The following IDO1 variants were observed in gnomAD, a reference collection of about 807,000 sequenced individuals.
The protein encoded by IDO1 is indoleamine 2,3-dioxygenase 1.
Under a neutral mutation model 38.8 loss-of-function variants are expected in IDO1, and 35 were observed. That is an observed-to-expected ratio of 0.90 (90% CI 0.69 to 1.20). The LOEUF (loss-of-function observed/expected upper bound fraction) is 1.20. Ranked by LOEUF, IDO1 falls within the 50% of genes most tolerant of loss-of-function variation. The pLI, the probability that IDO1 is intolerant of heterozygous loss-of-function variation, is 0.00. For missense variants in IDO1, 509 were observed against 485.1 expected (o/e 1.05, Z -0.46); for synonymous variants, 171 against 170.0 (o/e 1.01, Z -0.05).
intron 5 of IDO1, among the ~76,000 whole-genome samples, 169 bp from the exon 6 acceptor site, chr8:39,922,383 G>A (rs1008769683): frequency 1.8e-4 from 27 of 152,210 alleles, no homozygotes; most frequent in African/African-American, 5.8e-4. Flanking sequence ...CTTGGACAAT[G>A]GGCCTAAAAA....
chr8:39,919,484 G>A (rs947061671), intron 4 of IDO1, among the ~76,000 whole-genome samples: 2 of 152,108 alleles, frequency 1.3e-5, no homozygotes, highest in African/African-American at 4.8e-5. Context: ...GCAATGACTG[G>A]TTTCTCAGAG....
At chr8:39,923,393 G>T in intron 6 of IDO1, 76 bp from the exon 7 acceptor site, 1 of 860,124 alleles carries the variant, frequency 1.2e-6, no homozygotes, top group South Asian at 1.5e-5. Context: ...AACTGAGCGA[G>T]ACTCCGTCTC....
chr8:39,918,225 G>T lies in IDO1; in HGVS notation c.303+18G>T. On this transcript the variant is annotated intron_variant, in intron 3 of 9. Transcript: ENST00000518237. Reference sequence around the variant, plus strand: ...TCCGTAAGGTTTGGAGATTTTCTCAGATTTCTTATGCTATGTGACAGATTT... The same window carrying T: ...TCCGTAAGGTTTGGAGATTTTCTCATATTTCTTATGCTATGTGACAGATTT... The T allele has an allele frequency of 1.3e-6, 2 of 1,597,512 alleles. No homozygotes were observed. Among genetic ancestry groups the T allele is most frequent in the Non-Finnish European group, 1.7e-6 (2 of 1,167,764 alleles).
intron 7 of IDO1, chr8:39,923,921 A>G: frequency 5.9e-6 from 1 of 168,724 alleles, no homozygotes. Context: ...GGGTGGTTTT[A>G]AGTCCCGAAA....
At chr8:39,923,444 T>G in intron 6 of IDO1, 25 bp from the exon 7 acceptor site, 124 of 1,238,826 alleles carry the variant, frequency 1.0e-4, no homozygotes, top group Non-Finnish European at 1.4e-4. Flanking sequence ...ACCTTAAATG[T>G]TTGTGTTTTG....
chr8:39,925,996 G>T (rs1490379582), intron 9 of IDO1, among the ~76,000 whole-genome samples: 1 of 151,672 alleles, frequency 6.6e-6, no homozygotes, highest in Admixed American at 6.6e-5. Flanking sequence ...GACCATCCTG[G>T]CTAACACGGT....
chr8:39,922,567 G>A lies in IDO1; in HGVS notation c.453G>A (p.Leu151=), dbSNP rs746476355. The A allele has an allele frequency of 1.2e-6, 2 of 1,612,532 alleles. No individual in the cohort carries two copies. Among genetic ancestry groups the A allele is most frequent in the Non-Finnish European group, 1.7e-6 (2 of 1,178,682 alleles). Residue 151 remains leucine, a synonymous_variant, in exon 6 of 10, where the codon TTG becomes TTA. Transcript: ENST00000518237. The stretch of plus-strand genomic sequence containing the variant: ...ATTTCCTCAGGAACATGGACGTTTT[G>A]TTCTCATTTCGTGATGGAGACTGCA... ...KPLTYENMDV[L]FSFRDGDCSK...
At chr8:39,917,019 A>G (rs1401987177) in intron 1 of IDO1, among the ~76,000 whole-genome samples, 1 of 152,256 alleles carries the variant, frequency 6.6e-6, no homozygotes, top group East Asian at 1.9e-4. Flanking sequence ...AAAAATCGTT[A>G]TGTAAACTGT....
At position 39,928,212 on chromosome 8, in the gene IDO1, C is replaced by T; in HGVS notation, c.*27C>T. On this transcript the variant is annotated 3_prime_UTR_variant, in exon 10 of 10. Transcript: ENST00000518237. ...GTAACCCAACAAGAGCACATTTTAT[C>T]ATAGCAGAGACATCTGTATGCATTC... 4.0e-6 allele frequency: 6 copies of T among 1,502,348 alleles called. No homozygotes were observed. Among genetic ancestry groups the T allele is most frequent in the Non-Finnish European group, 5.5e-6 (6 of 1,096,250 alleles). The allele number at this position is 1,502,348 out of a possible 1,614,324, so 93.1% of individuals were successfully genotyped here.
chr8:39,923,335 C>T (rs1427121002), intron 6 of IDO1, 134 bp from the exon 7 acceptor site: 1 of 533,774 alleles, frequency 1.9e-6, no homozygotes, highest in Admixed American at 3.0e-5. Flanking sequence ...ACCCGGGAGG[C>T]AGAGCTTGCA....
chr8:39,914,099 A>T, intron 1 of IDO1, 90 bp downstream of exon 1: 1 of 824,006 alleles, frequency 1.2e-6, no homozygotes, highest in Non-Finnish European at 2.0e-6. Context: ...ACTGTGGTTC[A>T]GTAACTTCTA....
intron 1 of IDO1, among the ~76,000 whole-genome samples, chr8:39,916,385 G>A (rs1807175676): frequency 6.6e-6 from 1 of 151,816 alleles, no homozygotes; most frequent in African/African-American, 2.4e-5. Context: ...GGCTAAGACA[G>A]GAGAATTGTT....
Position 39,923,550 on chromosome 8 carries a change from T to A in IDO1, c.619T>A (p.Leu207Met). ...GGCGCTGTTGGAAATAGCTTCTTGC[T>A]TGGAGAAAGCCCTTCAAGTGTTTCA... is the stretch of plus-strand genomic sequence containing the variant. ...LKALLEIASCLEKALQVFHQI... is the reference protein window; with the variant it reads ...LKALLEIASCMEKALQVFHQI... Residue 207 changes from leucine (L) to methionine (M), a missense_variant, in exon 7 of 10, where the codon TTG becomes ATG. Leu to Met is a conservative substitution (Grantham distance 15). Transcript: ENST00000518237. 1 of 1,613,464 alleles carries A rather than the reference T, an allele frequency of 6.2e-7. No homozygotes were observed. The highest frequency in any genetic ancestry group is 8.5e-7 in the Non-Finnish European group (1 of 1,179,420).
chr8:39,916,274 G>A lies in IDO1; in HGVS notation c.88-1601G>A, dbSNP rs571543809. Among the ~76,000 whole-genome samples, 17 of 152,106 alleles carry A rather than the reference G, an allele frequency of 1.1e-4. No individual in the cohort carries two copies. In the East Asian group the frequency reaches 3.1e-3, roughly 28 times the overall value. Reference sequence around the variant, plus strand: ...GTGGATCACTTGAGGTCAGGAGTTTGAGACCAGCCTGGCCAACATGGTGAA... The same window carrying A: ...GTGGATCACTTGAGGTCAGGAGTTTAAGACCAGCCTGGCCAACATGGTGAA... On this transcript the variant is annotated intron_variant, in intron 1 of 9. Coordinates refer to ENST00000518237, the MANE Select transcript of IDO1 (RefSeq NM_002164.6).
At chr8:39,919,239 T>A (rs776372502) in intron 4 of IDO1, among the ~76,000 whole-genome samples, 3 of 152,184 alleles carry the variant, frequency 2.0e-5, no homozygotes, top group Non-Finnish European at 2.9e-5. Context: ...TTTTATCACC[T>A]CAGAAAATTT....
Position 39,918,924 on chromosome 8 carries a change from A to G in IDO1, c.413A>G (p.Asp138Gly). The G allele has an allele frequency of 6.4e-7, 1 of 1,561,420 alleles. No homozygotes were observed. The highest frequency in any genetic ancestry group is 8.8e-7 in the Non-Finnish European group (1 of 1,132,074). The change falls in exon 4 of 10, where the codon GAT becomes GGT. Residue 138 changes from aspartate (D) to glycine (G), a missense_variant. Coordinates refer to ENST00000518237, the MANE Select transcript of IDO1 (RefSeq NM_002164.6). ...GTCTTGGCAAACTGGAAGAAAAAGG[A>G]TCCTAATAAGTATGTAAACAGTGAT... ...DCVLANWKKK[D>G]PNKPLTYENM...
chr8:39,919,651 A>G (rs1178775791), intron 4 of IDO1, among the ~76,000 whole-genome samples: 1 of 152,170 alleles, frequency 6.6e-6, no homozygotes, highest in Non-Finnish European at 1.5e-5. Context: ...TCAATCTAGA[A>G]AGTTTCTTCT....
At chr8:39,919,163 T>A (rs1807230803) in intron 4 of IDO1, 3 of 658,376 alleles carry the variant, frequency 4.6e-6, no homozygotes, top group South Asian at 4.2e-5. Context: ...AAATCTTAAG[T>A]GTTCAGCTTG....
At chr8:39,927,699 A>G (rs919694145) in intron 9 of IDO1, 131 bp from the exon 10 acceptor site, 1 of 464,870 alleles carries the variant, frequency 2.2e-6, no homozygotes, top group South Asian at 7.2e-5. Flanking sequence ...TTAGCCTTCA[A>G]ATAGAATGAC....
Sources: gnomAD v4.1 joint callset for allele counts (sites outside exome capture counted in the v4.1 genomes callset) on GRCh38, gnomAD v4.1.1 for gene constraint, MANE v1.5 for transcripts, NCBI Gene and HGNC (gene_info 2026-07-23, HGNC 2026-07-21) for gene names.